The following SYTL5 variants were observed in gnomAD, a reference collection of about 807,000 sequenced individuals.
The protein encoded by SYTL5 is synaptotagmin like 5.
A neutral mutation model predicts 55.9 loss-of-function variants in SYTL5; 34 were observed. That is an observed-to-expected ratio of 0.61 (90% CI 0.46 to 0.81). The LOEUF (loss-of-function observed/expected upper bound fraction) is 0.81. SYTL5 is among the 30% of genes least tolerant of loss of function. SYTL5 has a pLI of 0.00. For missense variants in SYTL5, 637 were observed against 546.7 expected (o/e 1.17, Z -1.65); for synonymous variants, 221 against 188.7 (o/e 1.17, Z -1.40).
the SYTL5 span, chrX:37,990,924 A>G: frequency 3.1e-5 from 38 of 1,211,918 alleles, no homozygotes; most frequent in Non-Finnish European, 4.1e-5. Context: ...ACAGGTCCCT[A>G]GGAGCTTCGT....
intron 2 of SYTL5, among the ~76,000 whole-genome samples, chrX:38,050,409 C>T (rs773307519): frequency 1.8e-5 from 2 of 111,639 alleles, no homozygotes; most frequent in Non-Finnish European, 3.8e-5. Context: ...CACTAGAATA[C>T]AGAAATGAAA....
At chrX:38,065,956 C>T (rs1471311764) in intron 3 of SYTL5, among the ~76,000 whole-genome samples, 1 of 110,341 alleles carries the variant, frequency 9.1e-6, no homozygotes, top group Non-Finnish European at 1.9e-5. Context: ...AAAAATTAGC[C>T]GGGTGTGATG....
the SYTL5 span, among the ~76,000 whole-genome samples, chrX:37,908,660 T>C: frequency 9.0e-6 from 1 of 111,708 alleles, no homozygotes; most frequent in Non-Finnish European, 1.9e-5. Context: ...CCTCTCCACA[T>C]GGGTATATGG....
chrX:38,103,946 A>G (rs1445615620), intron 10 of SYTL5, among the ~76,000 whole-genome samples: 1 of 112,112 alleles, frequency 8.9e-6, no homozygotes, highest in East Asian at 2.8e-4. Flanking sequence ...ATTGAAAGAA[A>G]AATAGTATTT....
chrX:37,901,177 C>A, the SYTL5 span, among the ~76,000 whole-genome samples: 4 of 111,627 alleles, frequency 3.6e-5, no homozygotes. Flanking sequence ...TTGAGGGGAT[C>A]CCTTGGGACT....
intron 16 of SYTL5, among the ~76,000 whole-genome samples, 189 bp from the exon 17 acceptor site, chrX:38,126,399 A>G (rs1037491112): frequency 8.9e-6 from 1 of 112,279 alleles, no homozygotes; most frequent in Non-Finnish European, 1.9e-5. Flanking sequence ...TGGCCTAGGC[A>G]TTAGAGAATA....
intron 12 of SYTL5, among the ~76,000 whole-genome samples, chrX:38,109,756 G>A (rs1313131453): frequency 1.8e-5 from 2 of 109,083 alleles, no homozygotes; most frequent in Non-Finnish European, 3.8e-5. Flanking sequence ...ATGTGGCCCT[G>A]GATGATGTTG....
the SYTL5 span, among the ~76,000 whole-genome samples, chrX:37,936,733 C>T: frequency 1.8e-5 from 2 of 111,111 alleles, no homozygotes; most frequent in Admixed American, 9.5e-5. Context: ...AAATTGTTCC[C>T]ACAAGGGGAC....
chrX:38,035,194 A>G (rs1230887357), intron 2 of SYTL5, among the ~76,000 whole-genome samples: 3 of 112,465 alleles, frequency 2.7e-5, no homozygotes, highest in African/African-American at 9.7e-5. Flanking sequence ...CACTTTTTCT[A>G]TGCATAGAAT....
the SYTL5 span, among the ~76,000 whole-genome samples, chrX:37,958,007 G>A: frequency 8.1e-5 from 9 of 111,384 alleles, no homozygotes; most frequent in East Asian, 2.8e-4. Context: ...TCAGGAGATC[G>A]AGACCAGCCT....
chrX:38,064,380 A>G (rs1936040799), intron 3 of SYTL5, among the ~76,000 whole-genome samples: 1 of 111,560 alleles, frequency 9.0e-6, no homozygotes, highest in Non-Finnish European at 1.9e-5. Flanking sequence ...TTCCAAACCG[A>G]TAGATATAAA....
chrX:38,025,943 T>C (rs1241259113), intron 1 of SYTL5, among the ~76,000 whole-genome samples: 1 of 112,200 alleles, frequency 8.9e-6, no homozygotes, highest in Non-Finnish European at 1.9e-5. Context: ...AAACCAAATA[T>C]GGAGAACTCC....
chrX:38,054,619 A>T lies in SYTL5; in HGVS notation c.329+197A>T, dbSNP rs1302814441. Among the ~76,000 whole-genome samples the T allele has an allele frequency of 1.8e-5, 1 of 56,809 alleles. No homozygotes were observed. Among genetic ancestry groups the T allele is most frequent in the East Asian group, 4.0e-4 (1 of 2,477 alleles). 49.3% of individuals were successfully genotyped at this position (56,809 alleles called of 115,157 possible). A position where few individuals can be genotyped will look rare whatever the true frequency, so the allele number is the denominator to read the frequency against. ...GTGTGTGTGTGTGTATGTGAGAGAG[A>T]GAGAGAGAGAGAGAGAGAGAGAGAG... On this transcript the variant is annotated intron_variant, in intron 3 of 16. Coordinates refer to ENST00000297875, the MANE Select transcript of SYTL5 (RefSeq NM_138780.3).
chrX:37,951,405 T>A, the SYTL5 span, among the ~76,000 whole-genome samples: 4 of 111,310 alleles, frequency 3.6e-5, no homozygotes, highest in Non-Finnish European at 7.6e-5. Flanking sequence ...TTTAAAAAAA[T>A]CAGTCATTCA....
the SYTL5 span, among the ~76,000 whole-genome samples, chrX:37,921,296 C>T: frequency 3.6e-5 from 4 of 111,590 alleles, no homozygotes; most frequent in South Asian, 1.5e-3. Context: ...ATGAAACTGT[C>T]TTTCCTGATG....
At chrX:38,020,291 CAT>C (rs1026296826) in intron 1 of SYTL5, among the ~76,000 whole-genome samples, 14 of 107,597 alleles carry the variant, frequency 1.3e-4, no homozygotes, top group African/African-American at 4.7e-4. Context: ...ATTGTAAAAA[CAT>C]ATAAAGAAAA....
At chrX:37,978,807 A>C in the SYTL5 span, among the ~76,000 whole-genome samples, 6 of 111,099 alleles carry the variant, frequency 5.4e-5, no homozygotes, top group Non-Finnish European at 1.1e-4. Flanking sequence ...AAAATGTTTT[A>C]TTTGGGTCTT....
chrX:37,903,093 C>T, the SYTL5 span, among the ~76,000 whole-genome samples: 1 of 111,169 alleles, frequency 9.0e-6, no homozygotes, highest in East Asian at 2.8e-4. Flanking sequence ...CACTTTTACA[C>T]TGTTGGTGGG....
intron 7 of SYTL5, among the ~76,000 whole-genome samples, chrX:38,093,246 G>A (rs1049521523): frequency 8.9e-6 from 1 of 112,115 alleles, no homozygotes; most frequent in African/African-American, 3.2e-5. Flanking sequence ...GCAAGTGAAA[G>A]CCACATTTCA....
Sources: allele counts gnomAD v4.1 joint callset (sites outside exome capture counted in the v4.1 genomes callset), GRCh38; gene constraint gnomAD v4.1.1; transcripts MANE v1.5; gene names NCBI Gene and HGNC (gene_info 2026-07-23, HGNC 2026-07-21).